SPAG17: variants seen among roughly 807,000 people sequenced by gnomAD.
SPAG17 encodes sperm associated antigen 17.
Under a neutral mutation model 273.6 loss-of-function variants are expected in SPAG17, and 169 were observed. The ratio of observed to expected loss-of-function variants is 0.62; its 90% CI spans 0.55 to 0.70. The LOEUF is 0.70. Ranked by LOEUF, SPAG17 falls within the 30% of genes least tolerant of loss-of-function variation. The pLI, the probability that SPAG17 is intolerant of heterozygous loss-of-function variation, is 0.00. For missense variants in SPAG17, 2,557 were observed against 2,627.8 expected (o/e 0.97, Z 0.59); for synonymous variants, 825 against 873.2 (o/e 0.94, Z 0.97).
intron 4 of SPAG17, among the ~76,000 whole-genome samples, chr1:118,103,752 G>A (rs999956656): frequency 5.9e-5 from 9 of 152,010 alleles, no homozygotes; most frequent in African/African-American, 2.2e-4. Context: ...ACTTTCATAA[G>A]TAGGTGATGA....
intron 25 of SPAG17, among the ~76,000 whole-genome samples, chr1:118,030,864 C>T (rs1237622946): frequency 6.6e-6 from 1 of 152,044 alleles, no homozygotes; most frequent in Admixed American, 6.6e-5. Flanking sequence ...GAGTTGGTTC[C>T]AAGTCTTTGT....
chr1:118,048,253 G>C (rs1650591004), intron 20 of SPAG17, among the ~76,000 whole-genome samples: 2 of 151,920 alleles, frequency 1.3e-5, no homozygotes, highest in South Asian at 4.1e-4. Context: ...TGTCAGGTCA[G>C]CACTCAAGGA....
At chr1:117,980,407 T>A (rs958085940) in intron 43 of SPAG17, among the ~76,000 whole-genome samples, 1 of 152,086 alleles carries the variant, frequency 6.6e-6, no homozygotes, top group Non-Finnish European at 1.5e-5. Flanking sequence ...AATTTTTGTA[T>A]TTTTAGTAGA....
intron 36 of SPAG17, among the ~76,000 whole-genome samples, chr1:117,991,914 C>T (rs903619132): frequency 3.3e-5 from 5 of 152,168 alleles, no homozygotes; most frequent in East Asian, 1.9e-4. Context: ...GTCTTTGCTT[C>T]GAAGAGAAAC....
At chr1:118,116,418 A>G in intron 3 of SPAG17, among the ~76,000 whole-genome samples, 1 of 152,138 alleles carries the variant, frequency 6.6e-6, no homozygotes, top group East Asian at 1.9e-4. Flanking sequence ...AAATGTTCTG[A>G]CATGTTGCTT....
chr1:118,119,087 T>G (rs1657265833), intron 3 of SPAG17, among the ~76,000 whole-genome samples: 2 of 152,154 alleles, frequency 1.3e-5, no homozygotes, highest in Admixed American at 1.3e-4. Flanking sequence ...GGCGCTCTCA[T>G]GGAAACCAAA....
intron 1 of SPAG17, among the ~76,000 whole-genome samples, chr1:118,154,036 A>G (rs779084006): frequency 6.6e-6 from 1 of 152,112 alleles, no homozygotes; most frequent in Non-Finnish European, 1.5e-5. Context: ...TTAACATAAA[A>G]TTGTTCCTCC....
At chr1:118,113,414 C>T (rs1656888592) in intron 4 of SPAG17, among the ~76,000 whole-genome samples, 1 of 152,054 alleles carries the variant, frequency 6.6e-6, no homozygotes, top group Non-Finnish European at 1.5e-5. Context: ...TTCAACTGAC[C>T]TCTTAGGCAG....
chr1:118,035,698 C>A (rs1226771307), intron 24 of SPAG17, among the ~76,000 whole-genome samples: 1 of 152,088 alleles, frequency 6.6e-6, no homozygotes, highest in Non-Finnish European at 1.5e-5. Context: ...TCACTATGAT[C>A]TACTCTAACA....
intron 7 of SPAG17, among the ~76,000 whole-genome samples, chr1:118,094,859 C>T (rs1655609676): frequency 6.6e-6 from 1 of 152,126 alleles, no homozygotes; most frequent in Non-Finnish European, 1.5e-5. Context: ...ACAGTTGGAC[C>T]CAGACCACAG....
At chr1:118,161,191 G>T (rs1275345490) in intron 1 of SPAG17, among the ~76,000 whole-genome samples, 1 of 152,150 alleles carries the variant, frequency 6.6e-6, no homozygotes, top group Non-Finnish European at 1.5e-5. Flanking sequence ...TCTTGTAAAG[G>T]CTATTTAACA....
chr1:117,996,296 G>T, intron 34 of SPAG17, 74 bp downstream of exon 34: 1 of 1,484,444 alleles, frequency 6.7e-7, no homozygotes, highest in Non-Finnish European at 9.0e-7. Flanking sequence ...ATGACATGAA[G>T]ATAGACTGGA....
Position 117,996,630 on chromosome 1 carries a change from AT to A in SPAG17, c.4889del (p.Asn1630IlefsTer31). ...DSLSSMHLEK[N>X]HQQIYGEHVP... is the part of the protein sequence containing the mutation. ...CATGTTCACCATAGATTTGCTGATG[AT>A]TCTTTTCAAGGTGCATAGAGGACAG... On this transcript the variant is annotated frameshift_variant, in exon 33 of 49. Transcript: ENST00000336338. LOFTEE classifies it high-confidence loss of function. 1.9e-6 allele frequency: 3 copies of A among 1,611,758 alleles called. No homozygotes were observed. Among genetic ancestry groups the A allele is most frequent in the Non-Finnish European group, 2.5e-6 (3 of 1,179,174 alleles).
chr1:118,009,424 A>G (rs1659244251), intron 30 of SPAG17, among the ~76,000 whole-genome samples: 1 of 152,142 alleles, frequency 6.6e-6, no homozygotes, highest in African/African-American at 2.4e-5. Context: ...CTCACGGAAT[A>G]ACTTCTCATT....
At chr1:117,983,126 A>G (rs1656017657) in intron 42 of SPAG17, among the ~76,000 whole-genome samples, 1 of 152,224 alleles carries the variant, frequency 6.6e-6, no homozygotes, top group Admixed American at 6.5e-5. Context: ...GGTGGAAGGC[A>G]AGGAGAAGCA....
chr1:118,179,858 T>C (rs916472579), intron 1 of SPAG17, among the ~76,000 whole-genome samples: 1 of 152,004 alleles, frequency 6.6e-6, no homozygotes, highest in Admixed American at 6.6e-5. Context: ...ACATCGCTAA[T>C]CATCAGATAA....
intron 8 of SPAG17, 122 bp downstream of exon 8, chr1:118,093,034 G>A (rs1156930438): frequency 3.9e-6 from 4 of 1,030,666 alleles, no homozygotes; most frequent in African/African-American, 1.6e-5. Context: ...TTTTATGCCA[G>A]TAGGCAGTAT....
At chr1:118,157,455 G>A (rs894006071) in intron 1 of SPAG17, among the ~76,000 whole-genome samples, 1 of 152,162 alleles carries the variant, frequency 6.6e-6, no homozygotes, top group Non-Finnish European at 1.5e-5. Flanking sequence ...GACAAGGCAA[G>A]TATAGAGACC....
chr1:118,150,324 G>T, intron 3 of SPAG17: 1 of 347,954 alleles, frequency 2.9e-6, no homozygotes, highest in Non-Finnish European at 5.3e-6. Context: ...TGGTATAAAC[G>T]ATCTAGGAAA....
Sources: allele counts gnomAD v4.1 joint callset (sites outside exome capture counted in the v4.1 genomes callset), GRCh38; gene constraint gnomAD v4.1.1; transcripts MANE v1.5; gene names NCBI Gene and HGNC (gene_info 2026-07-23, HGNC 2026-07-21).